PRKAR1A: variants seen among roughly 807,000 people sequenced by gnomAD.
PRKAR1A encodes the protein protein kinase cAMP-dependent type I regulatory subunit alpha, also known as cAMP-dependent protein kinase type I-alpha regulatory subunit.
A neutral mutation model predicts 52.0 loss-of-function variants in PRKAR1A; 3 were observed. The observed-to-expected ratio is 0.06, with a 90% confidence interval of 0.03 to 0.15. PRKAR1A has a LOEUF of 0.15. Among genes scored for constraint, PRKAR1A ranks in the 10% least tolerant of loss-of-function variants. The pLI, the probability that PRKAR1A is intolerant of heterozygous loss-of-function variation, is 1.00. For missense variants in PRKAR1A, 240 were observed against 477.4 expected, an observed-to-expected ratio of 0.50 and a Z score of 4.63; for synonymous variants, 188 against 168.4, an observed-to-expected ratio of 1.12 and a Z score of -0.90.
the PRKAR1A span, chr17:68,428,906 C>T: frequency 2.6e-5 from 42 of 1,614,060 alleles, no homozygotes; most frequent in Middle Eastern, 1.7e-4. Flanking sequence ...CACTGGATGA[C>T]GCAACTAGCA....
chr17:68,456,683 G>A, the PRKAR1A span, among the ~76,000 whole-genome samples: 1 of 152,210 alleles, frequency 6.6e-6, no homozygotes, highest in Non-Finnish European at 1.5e-5. Context: ...CGGGAAAAGA[G>A]TCTTGGACTC....
chr17:68,465,151 C>T, the PRKAR1A span, among the ~76,000 whole-genome samples: 137 of 151,864 alleles, frequency 9.0e-4, no homozygotes, highest in African/African-American at 2.7e-3. Flanking sequence ...CCAGGATGGT[C>T]TCCATCACCT....
At chr17:68,495,090 G>A in the PRKAR1A span, among the ~76,000 whole-genome samples, 1 of 151,948 alleles carries the variant, frequency 6.6e-6, no homozygotes, top group East Asian at 1.9e-4. Context: ...TCCCAGACTC[G>A]AGTGTAGAAT....
At chr17:68,523,493 C>G (rs1600480455) in intron 3 of PRKAR1A, among the ~76,000 whole-genome samples, 1 of 152,130 alleles carries the variant, frequency 6.6e-6, no homozygotes, top group Non-Finnish European at 1.5e-5. Context: ...TAACTGGGAA[C>G]CAAGTACCAG....
At chr17:68,539,496 G>T in intron 11 of PRKAR1A, 1 of 1,093,710 alleles carries the variant, frequency 9.1e-7, no homozygotes. Context: ...CAGAGATTGG[G>T]GTAAAATGCC....
chr17:68,497,823 C>T, the PRKAR1A span, among the ~76,000 whole-genome samples: 68 of 151,986 alleles, frequency 4.5e-4, no homozygotes, highest in Non-Finnish European at 7.1e-4. Context: ...TGCTGCCTCA[C>T]GAAAGACAAG....
chr17:68,534,068 A>G (rs948511843), downstream of PRKAR1A, among the ~76,000 whole-genome samples: 2 of 152,188 alleles, frequency 1.3e-5, no homozygotes, highest in East Asian at 3.9e-4. Flanking sequence ...CGCTGTAGCT[A>G]TGTGAATTTC....
chr17:68,434,683 T>A, the PRKAR1A span: 5 of 1,578,010 alleles, frequency 3.2e-6, no homozygotes, highest in East Asian at 1.1e-4. Flanking sequence ...CACAGAGATG[T>A]CCCTTTAGAG....
At chr17:68,511,504 T>C (rs115704314), upstream of PRKAR1A, among the ~76,000 whole-genome samples, 1 of 152,140 alleles carries the variant, frequency 6.6e-6, no homozygotes, top group Non-Finnish European at 1.5e-5. Flanking sequence ...TTTTTGACAA[T>C]CTGCACGCTC....
chr17:68,528,106 T>G (rs2085848430), intron 8 of PRKAR1A, among the ~76,000 whole-genome samples: 1 of 152,226 alleles, frequency 6.6e-6, no homozygotes, highest in South Asian at 2.1e-4. Context: ...TTGAGTTGAT[T>G]GGTTCAGAAA....
Position 68,530,438 on chromosome 17 carries a change from C to G in PRKAR1A, c.1135C>G (p.Leu379Val). 1 of 1,614,086 alleles carries G rather than the reference C, an allele frequency of 6.2e-7. No individual in the cohort carries two copies. The highest frequency in any genetic ancestry group is 1.6e-4 in the Middle Eastern group (1 of 6,062). ...NIQQYNSFVS[L>V]SV Reference sequence around the variant, plus strand: ...CCAGCAGTACAACAGTTTTGTGTCACTGTCTGTCTGAAATCTGCCTCCTGT... The same window carrying G: ...CCAGCAGTACAACAGTTTTGTGTCAGTGTCTGTCTGAAATCTGCCTCCTGT... Residue 379 changes from leucine to valine, a missense_variant, in exon 11 of 11, where the codon CTG becomes GTG. Physicochemically the swap from Leu to Val is conservative, Grantham distance 32. Coordinates refer to ENST00000589228, the MANE Select transcript of PRKAR1A (RefSeq NM_002734.5).
chr17:68,432,624 C>A, the PRKAR1A span, among the ~76,000 whole-genome samples: 1 of 151,998 alleles, frequency 6.6e-6, no homozygotes, highest in Non-Finnish European at 1.5e-5. Flanking sequence ...GCCTCTGTTA[C>A]GTATGTGTTA....
chr17:68,490,860 C>T, the PRKAR1A span, among the ~76,000 whole-genome samples: 1 of 152,098 alleles, frequency 6.6e-6, no homozygotes, highest in South Asian at 2.1e-4. Context: ...AGAGGAGATA[C>T]TGGAGTGAAG....
At chr17:68,489,190 A>ATATATATATATATATGGAAAG in the PRKAR1A span, among the ~76,000 whole-genome samples, 7 of 19,040 alleles carry the variant, frequency 3.7e-4, 1 homozygote, top group Admixed American at 3.5e-3. Flanking sequence ...TGGAAAGTAT[A>ATATATATATATATATGGAAAG]TATATATATA....
At chr17:68,471,178 G>T in the PRKAR1A span, among the ~76,000 whole-genome samples, 1 of 152,174 alleles carries the variant, frequency 6.6e-6, no homozygotes, top group East Asian at 1.9e-4. Flanking sequence ...AGGGGACAGG[G>T]TGGTTGCATT....
At position 68,532,215 on chromosome 17, in the gene PRKAR1A, A is replaced by T; in HGVS notation, c.*1766A>T. The T allele has an allele frequency of 9.6e-7, 1 of 1,036,444 alleles. No homozygotes were observed. The highest frequency in any genetic ancestry group is 1.2e-6 in the Non-Finnish European group (1 of 853,068). 64.2% of individuals were successfully genotyped at this position (1,036,444 alleles called of 1,614,324 possible). On this transcript the variant is annotated 3_prime_UTR_variant, in exon 11 of 11. Coordinates refer to ENST00000589228, the MANE Select transcript of PRKAR1A (RefSeq NM_002734.5). Reference sequence around the variant, plus strand: ...ACCTTTTTATATTTAAAAAATTAAAAATGAAAATTACGTTCTTACAAGCTT... The same window carrying T: ...ACCTTTTTATATTTAAAAAATTAAATATGAAAATTACGTTCTTACAAGCTT...
Position 68,532,428 on chromosome 17 carries a change from T to A in PRKAR1A, c.*1979T>A, listed in dbSNP as rs2086001890. On this transcript the variant is annotated 3_prime_UTR_variant, in exon 11 of 11. Coordinates refer to ENST00000589228, the MANE Select transcript of PRKAR1A (RefSeq NM_002734.5). ...ATCATTTGGCTTGCTGTTTACTCCC[T>A]TCTGTAGTTTTTAATTAAAAACTTT... 1 of 1,060,484 alleles carries A rather than the reference T, an allele frequency of 9.4e-7. No individual in the cohort carries two copies. Among genetic ancestry groups the A allele is most frequent in the African/African-American group, 1.6e-5 (1 of 61,060 alleles). 65.7% of individuals were successfully genotyped at this position (1,060,484 alleles called of 1,614,324 possible).
At chr17:68,487,479 TATTC>T in the PRKAR1A span, among the ~76,000 whole-genome samples, 1 of 152,216 alleles carries the variant, frequency 6.6e-6, no homozygotes, top group Non-Finnish European at 1.5e-5. Flanking sequence ...AATTTTTCTG[TATTC>T]ATTCATTCAT....
At chr17:68,546,824 C>T (rs1245105638) in intron 11 of PRKAR1A, among the ~76,000 whole-genome samples, 3 of 106,218 alleles carry the variant, frequency 2.8e-5, no homozygotes, top group East Asian at 3.0e-4. Flanking sequence ...TGCGAGACTA[C>T]GGCTCAAAAA....
Sources: gnomAD v4.1 joint callset for allele counts (sites outside exome capture counted in the v4.1 genomes callset) on GRCh38, gnomAD v4.1.1 for gene constraint, MANE v1.5 for transcripts, NCBI Gene and HGNC (gene_info 2026-07-23, HGNC 2026-07-21) for gene names.